LOXHD1: variants seen among roughly 807,000 people sequenced by gnomAD.
LOXHD1 encodes the protein lipoxygenase homology domain-containing protein 1.
LOXHD1 carries 205 observed loss-of-function variants against 248.2 expected under a neutral mutation model. The ratio of observed to expected loss-of-function variants is 0.83; its 90% CI spans 0.74 to 0.93. The LOEUF is 0.93. Among genes scored for constraint, LOXHD1 ranks in the 40% least tolerant of loss-of-function variants. The pLI is 0.00. For missense variants in LOXHD1, 2,930 were observed against 2,971.6 expected (o/e 0.99, Z 0.33); for synonymous variants, 1,113 against 1,162.8 (o/e 0.96, Z 0.87).
intron 2 of LOXHD1, among the ~76,000 whole-genome samples, chr18:46,643,936 A>C (rs757306556): frequency 1.6e-4 from 25 of 152,246 alleles, no homozygotes; most frequent in Non-Finnish European, 3.4e-4. Context: ...CAGAATAATC[A>C]ATACAAACAG....
At chr18:46,529,382 A>C (rs1313343939) in intron 28 of LOXHD1, 51 bp from the exon 29 acceptor site, 3 of 1,501,608 alleles carry the variant, frequency 2.0e-6, no homozygotes, top group East Asian at 5.0e-5. Flanking sequence ...AAAGGGTGAC[A>C]GCGCTTTAGG....
intron 6 of LOXHD1, among the ~76,000 whole-genome samples, chr18:46,607,083 C>T (rs753352758): frequency 6.6e-5 from 10 of 151,702 alleles, no homozygotes; most frequent in Non-Finnish European, 1.3e-4. Context: ...GGAGAAGAAT[C>T]GCTTGAACCC....
rs2032801833 is a variant in LOXHD1, at chr18:46,483,855, GATGGC to G, written c.6183-115_6183-111del. The G allele has an allele frequency of 3.0e-5, 39 of 1,314,308 alleles. No homozygotes were observed. In the South Asian group the frequency reaches 5.6e-4, roughly 19 times the overall value. The allele number at this position is 1,314,308 out of a possible 1,614,324, so 81.4% of individuals were successfully genotyped here. A position where few individuals can be genotyped will look rare whatever the true frequency, so the allele number is the denominator to read the frequency against. On this transcript the variant is annotated intron_variant, in intron 39 of 40. Transcript: ENST00000642948. The stretch of plus-strand genomic sequence containing the variant: ...GCAGTGGGCCAGGGAACAGGGATGG[GATGGC>G]AAGCAGGAGCTCATGGCAGTCCTGG...
chr18:46,499,391 T>C (rs937281068), intron 37 of LOXHD1, among the ~76,000 whole-genome samples: 7 of 152,166 alleles, frequency 4.6e-5, no homozygotes, highest in African/African-American at 1.2e-4. Flanking sequence ...GGGCAAAAGA[T>C]GTAAGTTACT....
chr18:46,488,951 C>A lies in LOXHD1; in HGVS notation c.6049+21G>T, dbSNP rs1240973099. 1.9e-6 allele frequency: 3 copies of A among 1,545,190 alleles called. No individual in the cohort carries two copies. In the Admixed American group the frequency reaches 5.9e-5, roughly 30 times the overall value. On this transcript the variant is annotated intron_variant, in intron 38 of 40. Transcript: ENST00000642948. ...CACCATTCCCTGCCTCCCTCCTGAGCCAATGATCTCCCCCACATACTGGTC... is the reference window on the plus strand; with the variant it reads ...CACCATTCCCTGCCTCCCTCCTGAGACAATGATCTCCCCCACATACTGGTC...
intron 12 of LOXHD1, among the ~76,000 whole-genome samples, chr18:46,589,502 A>G (rs912546937): frequency 6.6e-6 from 1 of 152,200 alleles, no homozygotes; most frequent in African/African-American, 2.4e-5. Context: ...ACACTGAAAG[A>G]AGTAGACAAA....
intron 14 of LOXHD1, among the ~76,000 whole-genome samples, chr18:46,575,007 A>G (rs2144116872): frequency 6.6e-6 from 1 of 152,266 alleles, no homozygotes; most frequent in South Asian, 2.1e-4. Flanking sequence ...CTCTCCCTAA[A>G]GGATCCCCTG....
chr18:46,617,382 G>A (rs1400051364), intron 5 of LOXHD1, among the ~76,000 whole-genome samples: 4 of 152,080 alleles, frequency 2.6e-5, no homozygotes, highest in Non-Finnish European at 4.4e-5. Context: ...ACAGGGCCAA[G>A]GTCTCATTTC....
At chr18:46,527,672 A>T (rs1198021925) in intron 29 of LOXHD1, among the ~76,000 whole-genome samples, 2 of 152,118 alleles carry the variant, frequency 1.3e-5, no homozygotes, top group Non-Finnish European at 2.9e-5. Context: ...CCTTTTTGGC[A>T]TTCTATTTTT....
At chr18:46,514,104 T>C (rs1037338768) in intron 34 of LOXHD1, among the ~76,000 whole-genome samples, 8 of 152,236 alleles carry the variant, frequency 5.3e-5, no homozygotes, top group African/African-American at 1.9e-4. Flanking sequence ...CTCTATCTTG[T>C]GGGCATCTTT....
chr18:46,589,428 C>T (rs528241008), intron 12 of LOXHD1, among the ~76,000 whole-genome samples: 1 of 152,200 alleles, frequency 6.6e-6, no homozygotes, highest in African/African-American at 2.4e-5. Context: ...CATTTCTTGT[C>T]CGTCCCCCTT....
chr18:46,518,652 G>C (rs145939772), intron 33 of LOXHD1, among the ~76,000 whole-genome samples: 1 of 152,204 alleles, frequency 6.6e-6, no homozygotes, highest in Non-Finnish European at 1.5e-5. Flanking sequence ...TGTTAGACCC[G>C]GGCAGATGCC....
At chr18:46,497,062 G>A (rs1214639570) in intron 37 of LOXHD1, among the ~76,000 whole-genome samples, 1 of 152,178 alleles carries the variant, frequency 6.6e-6, no homozygotes, top group Non-Finnish European at 1.5e-5. Flanking sequence ...TGATGAGCCT[G>A]AAGACCTACC....
At position 46,575,135 on chromosome 18, in the gene LOXHD1, G is replaced by A. The variant is rs138796654; in HGVS notation, c.1970+2572C>T. Among the ~76,000 whole-genome samples the A allele has an allele frequency of 1.6e-3, 246 of 152,184 alleles. 3 individuals are homozygous for A. Among genetic ancestry groups the A allele is most frequent in the African/African-American group, 5.6e-3 (233 of 41,516 alleles). On this transcript the variant is annotated intron_variant, in intron 14 of 40. Transcript: ENST00000642948. ...AACTAGACCTCCAGAGTCCAACCTC[G>A]TCCCCACCCCTCAGCTCTCCCTCCC...
At chr18:46,545,264 G>A in intron 23 of LOXHD1, 53 bp downstream of exon 23, 1 of 1,329,408 alleles carries the variant, frequency 7.5e-7, no homozygotes, top group Non-Finnish European at 1.1e-6. Context: ...TGAGTCTTCT[G>A]GTCTCCCTGG....
chr18:46,591,136 C>A (rs2038160300), intron 12 of LOXHD1, among the ~76,000 whole-genome samples: 1 of 152,132 alleles, frequency 6.6e-6, no homozygotes, highest in African/African-American at 2.4e-5. Context: ...TTTAGAAGGG[C>A]TACTGGAACT....
At chr18:46,499,507 T>C (rs150092927) in intron 37 of LOXHD1, among the ~76,000 whole-genome samples, 2 of 152,174 alleles carry the variant, frequency 1.3e-5, no homozygotes, top group Admixed American at 1.3e-4. Flanking sequence ...AAATAGCTAA[T>C]CTTAGACCCT....
chr18:46,633,945 G>A (rs894430239), intron 4 of LOXHD1, among the ~76,000 whole-genome samples: 1 of 152,182 alleles, frequency 6.6e-6, no homozygotes, highest in Admixed American at 6.5e-5. Context: ...ACAGAAAATA[G>A]CGAGTGTTGG....
intron 37 of LOXHD1, among the ~76,000 whole-genome samples, chr18:46,498,720 C>T (rs931249292): frequency 6.6e-6 from 1 of 152,122 alleles, no homozygotes; most frequent in Non-Finnish European, 1.5e-5. Flanking sequence ...TGATTTAGGG[C>T]CCATTCTAAA....
Sources: allele counts gnomAD v4.1 joint callset (sites outside exome capture counted in the v4.1 genomes callset), GRCh38; gene constraint gnomAD v4.1.1; transcripts MANE v1.5; gene names NCBI Gene and HGNC (gene_info 2026-07-23, HGNC 2026-07-21).